The following AP3S2 variants were observed in gnomAD, a reference collection of about 807,000 sequenced individuals.
AP3S2 encodes AP-3 complex subunit sigma-2.
In AP3S2, 22 loss-of-function variants were observed where a neutral mutation model predicts 23.4. The observed-to-expected ratio is 0.94, with a 90% confidence interval of 0.67 to 1.34. The LOEUF (loss-of-function observed/expected upper bound fraction) is 1.34. Ranked by LOEUF, AP3S2 falls within the 40% of genes most tolerant of loss-of-function variation. AP3S2 has a pLI of 0.00. For synonymous variants in AP3S2, 86 were observed against 87.1 expected, an observed-to-expected ratio of 0.99 and a Z score of 0.07; for missense variants, 241 against 236.9, an observed-to-expected ratio of 1.02 and a Z score of -0.11.
intron 3 of AP3S2, among the ~76,000 whole-genome samples, chr15:89,874,191 T>C (rs1896388341): frequency 6.6e-6 from 1 of 152,100 alleles, no homozygotes; most frequent in South Asian, 2.1e-4. Flanking sequence ...TTGCTTTTTA[T>C]TGTTTGTTCA....
chr15:89,871,059 A>G lies in AP3S2; in HGVS notation c.345+416T>C, dbSNP rs1281084407. ...TAGTCACTATATTACTCTTTAGGAA[A>G]GATATAAATTTTACTATCTAAGTCA... On this transcript the variant is annotated intron_variant, in intron 4 of 5. Transcript: ENST00000336418. Among the ~76,000 whole-genome samples the G allele has an allele frequency of 2.0e-5, 3 of 152,226 alleles. No individual in the cohort carries two copies. In the East Asian group the frequency reaches 5.8e-4, roughly 29 times the overall value.
At chr15:89,861,145 T>C (rs1019222933) in intron 4 of AP3S2, among the ~76,000 whole-genome samples, 4 of 152,206 alleles carry the variant, frequency 2.6e-5, no homozygotes, top group Non-Finnish European at 5.9e-5. Context: ...TTCATCTTAG[T>C]GCTCACGAGT....
intron 4 of AP3S2, among the ~76,000 whole-genome samples, chr15:89,869,593 T>TC (rs1430027619): frequency 2.2e-5 from 3 of 137,588 alleles, no homozygotes; most frequent in East Asian, 4.4e-4. Flanking sequence ...AAAAGAAAAC[T>TC]CCCCCTTTCC....
At chr15:89,860,094 A>G (rs1039679370) in intron 4 of AP3S2, among the ~76,000 whole-genome samples, 5 of 152,176 alleles carry the variant, frequency 3.3e-5, no homozygotes, top group African/African-American at 1.2e-4. Context: ...CCCTGAGGGA[A>G]TAAGATTTTG....
At position 89,834,269 on chromosome 15, in the gene AP3S2, G is replaced by A. The variant is rs1895140224; in HGVS notation, c.*1246C>T. ...CAGGTGGCAGTGGGTTCCCTATGGAGGCAGCTCATCATTCACAACACAGCA... is the reference window on the plus strand; with the variant it reads ...CAGGTGGCAGTGGGTTCCCTATGGAAGCAGCTCATCATTCACAACACAGCA... On this transcript the variant is annotated 3_prime_UTR_variant, in exon 6 of 6. Coordinates refer to ENST00000336418, the MANE Select transcript of AP3S2 (RefSeq NM_005829.5). 1 of 152,310 alleles carries A rather than the reference G, an allele frequency of 6.6e-6. No individual in the cohort carries two copies. The highest frequency in any genetic ancestry group is 2.1e-4 in the South Asian group (1 of 4,838). 9.4% of individuals were successfully genotyped at this position (152,310 alleles called of 1,614,324 possible). A position where few individuals can be genotyped will look rare whatever the true frequency, so the allele number is the denominator to read the frequency against.
intron 3 of AP3S2, among the ~76,000 whole-genome samples, chr15:89,888,062 T>C (rs1420291022): frequency 1.3e-5 from 2 of 152,274 alleles, no homozygotes; most frequent in African/African-American, 2.4e-5. Context: ...GAATTTTCTT[T>C]TCCACAATTG....
At chr15:89,857,783 G>A (rs539563018) in intron 4 of AP3S2, among the ~76,000 whole-genome samples, 1 of 152,224 alleles carries the variant, frequency 6.6e-6, no homozygotes, top group South Asian at 2.1e-4. Flanking sequence ...GTCATCATTG[G>A]TAATATTCAA....
intron 1 of AP3S2, among the ~76,000 whole-genome samples, chr15:89,889,863 C>CAAA (rs940624860): frequency 7.3e-4 from 14 of 19,216 alleles, no homozygotes; most frequent in Admixed American, 1.1e-3. Context: ...GACTCCATCT[C>CAAA]AAAAAAAAAA....
rs2141827120 is a variant in AP3S2 at position 89,831,109 on chromosome 15, A to G, written c.*4406T>C. The stretch of plus-strand genomic sequence containing the variant: ...ATGTATTTCCTTTTTTGAAAGGAAA[A>G]TTGAAATAGGAAAAAATTTTAAGTC... On this transcript the variant is annotated 3_prime_UTR_variant, in exon 6 of 6. Coordinates refer to ENST00000336418, the MANE Select transcript of AP3S2 (RefSeq NM_005829.5). 6.6e-6 allele frequency: 1 copy of G among 152,416 alleles called. No homozygotes were observed. Among genetic ancestry groups the G allele is most frequent in the South Asian group, 2.1e-4 (1 of 4,830 alleles). The allele number at this position is 152,416 out of a possible 1,614,324, so 9.4% of individuals were successfully genotyped here. A position where few individuals can be genotyped will look rare whatever the true frequency, so the allele number is the denominator to read the frequency against.
At chr15:89,836,883 C>T (rs566332463) in intron 5 of AP3S2, among the ~76,000 whole-genome samples, 20 of 152,296 alleles carry the variant, frequency 1.3e-4, no homozygotes, top group African/African-American at 4.3e-4. Context: ...TTCCTGGTTT[C>T]GCAAGATCAA....
chr15:89,848,006 G>C (rs1895538481), intron 4 of AP3S2, among the ~76,000 whole-genome samples: 1 of 152,138 alleles, frequency 6.6e-6, no homozygotes, highest in African/African-American at 2.4e-5. Flanking sequence ...AGGCAGAGAG[G>C]ATAAGTAAAA....
chr15:89,882,129 T>C (rs560714177), intron 3 of AP3S2, among the ~76,000 whole-genome samples: 35 of 152,166 alleles, frequency 2.3e-4, no homozygotes, highest in African/African-American at 7.5e-4. Flanking sequence ...GCTAACATAC[T>C]CTTTCTAAAT....
At chr15:89,846,867 C>A (rs938652518) in intron 4 of AP3S2, among the ~76,000 whole-genome samples, 3 of 152,046 alleles carry the variant, frequency 2.0e-5, no homozygotes, top group Non-Finnish European at 2.9e-5. Flanking sequence ...AATGGGGTCT[C>A]ACCATGTTGG....
chr15:89,863,685 C>G (rs573744155), intron 4 of AP3S2, among the ~76,000 whole-genome samples: 1 of 152,264 alleles, frequency 6.6e-6, no homozygotes, highest in South Asian at 2.1e-4. Context: ...TTTACACAGG[C>G]CTACTACTCC....
intron 3 of AP3S2, among the ~76,000 whole-genome samples, chr15:89,880,015 G>A (rs1417817206): frequency 6.7e-6 from 1 of 149,918 alleles, no homozygotes; most frequent in Admixed American, 6.6e-5. Context: ...GTGTGCAGTG[G>A]CATGATCTCA....
At position 89,893,889 on chromosome 15, in the gene AP3S2, G is replaced by T. The variant is rs1355175254; in HGVS notation, c.61C>A (p.Gln21Lys). The T allele has an allele frequency of 3.9e-6, 6 of 1,551,618 alleles. No homozygotes were observed. Among genetic ancestry groups the T allele is most frequent in the Non-Finnish European group, 1.7e-6 (2 of 1,147,002 alleles). Residue 21 changes from glutamine to lysine, a missense_variant, in exon 1 of 6, where the codon CAG becomes AAG. Gln to Lys is a moderately conservative substitution (Grantham distance 53, BLOSUM62 1). Coordinates refer to ENST00000336418, the MANE Select transcript of AP3S2 (RefSeq NM_005829.5). ...AGCCGGGCCGCACTCACGAAACGCT[G>T]GTAGAAGCGGACTAGCCGTGGCTTC... ...HGKPRLVRFY[Q>K]RFPEEIQQQI...
At chr15:89,861,014 G>A (rs1055369127) in intron 4 of AP3S2, among the ~76,000 whole-genome samples, 1 of 152,334 alleles carries the variant, frequency 6.6e-6, no homozygotes, top group Middle Eastern at 3.4e-3. Context: ...GAGACCTGCA[G>A]TCAGGACATC....
intron 4 of AP3S2, among the ~76,000 whole-genome samples, chr15:89,861,794 G>C (rs184224231): frequency 5.9e-5 from 9 of 152,206 alleles, no homozygotes; most frequent in Admixed American, 5.2e-4. Context: ...GGAAAACATA[G>C]AAAGGTACAT....
chr15:89,837,753 A>G (rs1165967803), intron 4 of AP3S2, 31 bp from the exon 5 acceptor site: 1 of 1,613,264 alleles, frequency 6.2e-7, no homozygotes, highest in Admixed American at 1.7e-5. Flanking sequence ...AGGAGTCAGA[A>G]TACTCTGTGG....
Sources: gnomAD v4.1 joint callset for allele counts (sites outside exome capture counted in the v4.1 genomes callset) on GRCh38, gnomAD v4.1.1 for gene constraint, MANE v1.5 for transcripts, NCBI Gene and HGNC (gene_info 2026-07-23, HGNC 2026-07-21) for gene names.